The following ZNF618 variants were observed in gnomAD, a reference collection of about 807,000 sequenced individuals.
The protein encoded by ZNF618 is zinc finger protein 618, also known as neural precursor cell expressed, developmentally down-regulated 10.
In ZNF618, 34 loss-of-function variants were observed where a neutral mutation model predicts 103.0. The ratio of observed to expected loss-of-function variants is 0.33; its 90% CI spans 0.25 to 0.44. ZNF618 has a LOEUF of 0.44. Among genes scored for constraint, ZNF618 ranks in the 20% least tolerant of loss-of-function variants. The pLI, the probability that ZNF618 is intolerant of heterozygous loss-of-function variation, is 1.00. For synonymous variants in ZNF618, 551 were observed against 542.2 expected (o/e 1.02, Z -0.23); for missense variants, 1,059 against 1,295.4 (o/e 0.82, Z 2.80).
chr9:114,024,026 A>ATC (rs776234520), intron 10 of ZNF618, among the ~76,000 whole-genome samples: 5 of 152,066 alleles, frequency 3.3e-5, no homozygotes, highest in Non-Finnish European at 1.5e-5. Flanking sequence ...TTCTTTCCTA[A>ATC]TCTCTCTTTT....
At chr9:113,928,741 T>C (rs369373401) in intron 1 of ZNF618, among the ~76,000 whole-genome samples, 10 of 152,220 alleles carry the variant, frequency 6.6e-5, no homozygotes, top group African/African-American at 2.2e-4. Flanking sequence ...TAATCCACTC[T>C]TATTATATTG....
At position 113,889,350 on chromosome 9, in the gene ZNF618, T is replaced by TCTCTCTCTATCTCTCTCCCTCCCTCC. The variant is rs1191014933; in HGVS notation, c.33+12940_33+12941insTCTCTATCTCTCTCCCTCCCTCCCTC. Reference sequence around the variant, plus strand: ...CTCTCTCTCTCTCTCTCTCTCTTTCTCTCCCTCCCTCTCCATGTGTGGTCT... The same window carrying TCTCTCTCTATCTCTCTCCCTCCCTCC: ...CTCTCTCTCTCTCTCTCTCTCTTTCTCTCTCTCTATCTCTCTCCCTCCCTCCCTCCCTCCCTCTCCATGTGTGGTCT... On this transcript the variant is annotated intron_variant, in intron 1 of 14. Coordinates refer to ENST00000374126, the MANE Select transcript of ZNF618 (RefSeq NM_001318042.2). Among the ~76,000 whole-genome samples the TCTCTCTCTATCTCTCTCCCTCCCTCC allele has an allele frequency of 3.4e-5, 5 of 148,464 alleles. 1 individual carries two copies. In the East Asian group the frequency reaches 1.2e-3, roughly 36 times the overall value.
At chr9:113,955,934 C>T (rs1294998914) in intron 1 of ZNF618, among the ~76,000 whole-genome samples, 1 of 152,028 alleles carries the variant, frequency 6.6e-6, no homozygotes, top group Non-Finnish European at 1.5e-5. Flanking sequence ...GCCTCAGTTT[C>T]TCTGTCTGTA....
chr9:114,022,859 G>T (rs1384030170), intron 10 of ZNF618, among the ~76,000 whole-genome samples: 1 of 152,032 alleles, frequency 6.6e-6, no homozygotes, highest in East Asian at 1.9e-4. Context: ...ATGCCTTGAT[G>T]AATTGACCCT....
chr9:113,987,914 C>T (rs56054830), intron 2 of ZNF618, among the ~76,000 whole-genome samples: 91,198 of 151,902 alleles, frequency 0.6, 27,722 homozygotes, highest in Middle Eastern at 0.78. Context: ...AGATCCCCCC[C>T]AGCTGATCTG....
At chr9:113,951,548 C>CATATAT (rs1554733097) in intron 1 of ZNF618, among the ~76,000 whole-genome samples, 1 of 59,608 alleles carries the variant, frequency 1.7e-5, no homozygotes, top group Admixed American at 1.9e-4. Flanking sequence ...CATATGTACA[C>CATATAT]ATATGTGTGT....
chr9:113,983,558 C>T (rs1261476470), intron 2 of ZNF618, among the ~76,000 whole-genome samples: 1 of 152,114 alleles, frequency 6.6e-6, no homozygotes, highest in African/African-American at 2.4e-5. Flanking sequence ...TGGCTGGTCA[C>T]GCAGCTGCAG....
At chr9:113,878,573 A>C (rs1828179295) in intron 1 of ZNF618, among the ~76,000 whole-genome samples, 1 of 152,242 alleles carries the variant, frequency 6.6e-6, no homozygotes, top group African/African-American at 2.4e-5. Context: ...CCCAAAGATG[A>C]AGCGTTTTGT....
At position 114,008,598 on chromosome 9, in the gene ZNF618, G is replaced by T. The variant is rs530168498; in HGVS notation, c.754+44G>T. The T allele has an allele frequency of 3.7e-6, 6 of 1,606,900 alleles. No homozygotes were observed. The African/African-American group carries it at 4.0e-5, about 11-fold the overall frequency. ...GGGGCCAAGGGCTGGGTGGGGGCTGGCCAAGGGAGGCAGGGCTCAGTCTCA... is the reference window on the plus strand; with the variant it reads ...GGGGCCAAGGGCTGGGTGGGGGCTGTCCAAGGGAGGCAGGGCTCAGTCTCA... On this transcript the variant is annotated intron_variant, in intron 9 of 14. Coordinates refer to ENST00000374126, the MANE Select transcript of ZNF618 (RefSeq NM_001318042.2).
chr9:113,879,528 T>C (rs770293856), intron 1 of ZNF618, among the ~76,000 whole-genome samples: 21 of 151,790 alleles, frequency 1.4e-4, no homozygotes, highest in Non-Finnish European at 2.5e-4. Flanking sequence ...TGGATTGAGA[T>C]CTGACCTTGG....
At chr9:114,035,234 G>A in intron 12 of ZNF618, 9 of 986,052 alleles carry the variant, frequency 9.1e-6, no homozygotes, top group South Asian at 4.7e-5. Flanking sequence ...CTCTCCTACA[G>A]AGTAAGTGAT....
chr9:114,049,498 C>T lies in ZNF618; in HGVS notation c.2196C>T (p.Leu732=), dbSNP rs780885544. Reference sequence around the variant, plus strand: ...TCCAGAGCCTCAACAAGCACCTGCTCAGCAACCTGGCGGCCATCCTGACGC... The same window carrying T: ...TCCAGAGCCTCAACAAGCACCTGCTTAGCAACCTGGCGGCCATCCTGACGC... ...NLIQSLNKHL[L]SNLAAILTPV... Residue 732 remains leucine, a synonymous_variant, in exon 15 of 15, where the codon CTC becomes CTT. Transcript: ENST00000374126. 7.9e-5 allele frequency: 128 copies of T among 1,613,284 alleles called. No individual in the cohort carries two copies. The highest frequency in any genetic ancestry group is 1.6e-4 in the Middle Eastern group (1 of 6,084).
chr9:114,008,202 C>T, intron 7 of ZNF618, 142 bp from the exon 8 acceptor site: 1 of 1,144,228 alleles, frequency 8.7e-7, no homozygotes, highest in Non-Finnish European at 1.2e-6. Context: ...TCCACAGTGG[C>T]CACGGCAGCC....
rs767413549 is a variant in ZNF618 at position 114,008,523 on chromosome 9, G to GCCC, written c.726_728dup (p.Pro243dup). On this transcript the variant is annotated inframe_insertion, in exon 9 of 15. Transcript: ENST00000374126. ...TGGCCACGGACGAGGTGAAGGAGGAGCCCCCGGAGCCATTCCAGAAAATCG... is the reference window on the plus strand; with the variant it reads ...TGGCCACGGACGAGGTGAAGGAGGAGCCCCCCCCGGAGCCATTCCAGAAAATCG... 6.2e-7 allele frequency: 1 copy of GCCC among 1,613,960 alleles called. No individual in the cohort carries two copies. The highest frequency in any genetic ancestry group is 1.3e-5 in the African/African-American group (1 of 75,048).
intron 11 of ZNF618, chr9:114,030,856 G>A (rs1843957497): frequency 6.6e-6 from 1 of 152,232 alleles, no homozygotes; most frequent in Admixed American, 6.5e-5. Context: ...TATCAGCTGA[G>A]CAGTGTAAGA....
intron 12 of ZNF618, among the ~76,000 whole-genome samples, chr9:114,033,648 G>A (rs901128895): frequency 6.6e-6 from 1 of 152,190 alleles, no homozygotes; most frequent in Non-Finnish European, 1.5e-5. Context: ...AGCCTGGGGG[G>A]TGCCTGGCTG....
intron 2 of ZNF618, among the ~76,000 whole-genome samples, chr9:113,987,195 G>A (rs1016538983): frequency 3.3e-5 from 5 of 152,158 alleles, no homozygotes; most frequent in African/African-American, 1.2e-4. Flanking sequence ...CAGTCATGGG[G>A]ATGCTTCCCT....
chr9:113,876,903 AT>A (rs566862167), intron 1 of ZNF618, among the ~76,000 whole-genome samples: 22 of 141,802 alleles, frequency 1.6e-4, no homozygotes, highest in East Asian at 4.1e-4. Context: ...TCCTTTCTCA[AT>A]TTTTTTTTTC....
At chr9:113,891,662 G>A (rs1057275030) in intron 1 of ZNF618, among the ~76,000 whole-genome samples, 2 of 152,148 alleles carry the variant, frequency 1.3e-5, no homozygotes, top group African/African-American at 4.8e-5. Flanking sequence ...TTCCACCCAT[G>A]TTTATTGCAG....
Sources: allele counts gnomAD v4.1 joint callset (sites outside exome capture counted in the v4.1 genomes callset), GRCh38; gene constraint gnomAD v4.1.1; transcripts MANE v1.5; gene names NCBI Gene and HGNC (gene_info 2026-07-23, HGNC 2026-07-21).